Variants in KIF16B observed in about 807,000 individuals in gnomAD.
The protein encoded by KIF16B is kinesin family member 16B.
A neutral mutation model predicts 156.3 loss-of-function variants in KIF16B; 98 were observed. The observed-to-expected ratio is 0.63, with a 90% CI of 0.53 to 0.74. The LOEUF is 0.74. Ranked by LOEUF, KIF16B falls within the 30% of genes least tolerant of loss-of-function variation. KIF16B has a pLI of 0.00. For synonymous variants in KIF16B, 564 were observed against 583.7 expected (o/e 0.97, Z 0.49); for missense variants, 1,421 against 1,606.5 (o/e 0.88, Z 1.97).
chr20:16,293,331 T>A (rs2063339314), intron 25 of KIF16B, among the ~76,000 whole-genome samples: 1 of 152,138 alleles, frequency 6.6e-6, no homozygotes, highest in South Asian at 2.1e-4. Flanking sequence ...ATAGGTCACA[T>A]ACAAAAGATC....
chr20:16,390,043 G>T lies in KIF16B; in HGVS notation c.1785-8296C>A, dbSNP rs183568338. 3.3e-3 allele frequency among the ~76,000 whole-genome samples: 501 copies of T among 152,248 alleles called. 24 individuals carry two copies. In the East Asian group the frequency reaches 0.07, roughly 21 times the overall value. ...TTCGAGGGGTGTGTATCAAGATGGG[G>T]GTGGGATACAAGAAGTCTCACAATG... On this transcript the variant is annotated intron_variant, in intron 17 of 25. Transcript: ENST00000354981.
chr20:16,399,051 G>A (rs777664425), intron 17 of KIF16B, among the ~76,000 whole-genome samples: 12 of 152,188 alleles, frequency 7.9e-5, no homozygotes, highest in Non-Finnish European at 1.8e-4. Context: ...AGAAAGCTCT[G>A]AAACAAGTTT....
At chr20:16,490,596 A>G (rs1600529118) in intron 12 of KIF16B, among the ~76,000 whole-genome samples, 1 of 152,144 alleles carries the variant, frequency 6.6e-6, no homozygotes, top group Non-Finnish European at 1.5e-5. Flanking sequence ...GGATACACAC[A>G]GGGAGACCAA....
At chr20:16,433,763 CATG>C (rs1454428861) in intron 12 of KIF16B, among the ~76,000 whole-genome samples, 1 of 152,170 alleles carries the variant, frequency 6.6e-6, no homozygotes, top group Non-Finnish European at 1.5e-5. Context: ...CATTCAACTA[CATG>C]ATATTATAAA....
At chr20:16,343,423 A>T (rs1317880806) in intron 23 of KIF16B, among the ~76,000 whole-genome samples, 1 of 152,224 alleles carries the variant, frequency 6.6e-6, no homozygotes, top group Non-Finnish European at 1.5e-5. Flanking sequence ...TCAAGGAATC[A>T]TACTCCAACC....
At chr20:16,320,644 C>T (rs1438022739) in intron 24 of KIF16B, among the ~76,000 whole-genome samples, 2 of 152,172 alleles carry the variant, frequency 1.3e-5, no homozygotes, top group Admixed American at 6.5e-5. Context: ...GCCACAAATA[C>T]ACATTCTGAA....
At chr20:16,510,214 C>G (rs904106915) in intron 6 of KIF16B, among the ~76,000 whole-genome samples, 1 of 152,148 alleles carries the variant, frequency 6.6e-6, no homozygotes, top group Non-Finnish European at 1.5e-5. Flanking sequence ...TGTGATAAGA[C>G]ACTTGTCAGA....
At chr20:16,274,604 T>C (rs1033508834) in intron 25 of KIF16B, among the ~76,000 whole-genome samples, 1 of 152,220 alleles carries the variant, frequency 6.6e-6, no homozygotes. Context: ...CACATAATAA[T>C]TCTGGACTCT....
intron 17 of KIF16B, among the ~76,000 whole-genome samples, chr20:16,385,294 C>A (rs2065202618): frequency 6.6e-6 from 1 of 152,084 alleles, no homozygotes; most frequent in Admixed American, 6.5e-5. Context: ...AAGTGAAGCT[C>A]TCTCCTGACA....
At chr20:16,335,817 A>G in intron 24 of KIF16B, 109 bp downstream of exon 24, 1 of 642,158 alleles carries the variant, frequency 1.6e-6, no homozygotes, top group Non-Finnish European at 2.7e-6. Context: ...CTAATAAGCT[A>G]GTATCTGAAA....
chr20:16,408,360 T>C (rs968561794), intron 15 of KIF16B, among the ~76,000 whole-genome samples: 13 of 152,168 alleles, frequency 8.5e-5, no homozygotes, highest in African/African-American at 3.1e-4. Flanking sequence ...ATTGCATTTG[T>C]ATTTTTTCCA....
intron 19 of KIF16B, among the ~76,000 whole-genome samples, chr20:16,376,658 G>A (rs2064958652): frequency 6.6e-6 from 1 of 152,304 alleles, no homozygotes; most frequent in South Asian, 2.1e-4. Flanking sequence ...CTTGGCTTCT[G>A]AAGGAACACT....
intron 15 of KIF16B, among the ~76,000 whole-genome samples, chr20:16,412,607 T>A (rs1394283832): frequency 6.6e-6 from 1 of 152,008 alleles, no homozygotes; most frequent in East Asian, 1.9e-4. Flanking sequence ...AAGTGCCGCA[T>A]AAAAATGGGG....
intron 1 of KIF16B, among the ~76,000 whole-genome samples, chr20:16,534,258 T>TAAA (rs11482450): frequency 6.8e-6 from 1 of 147,614 alleles, no homozygotes. Context: ...CTGTCTCAAA[T>TAAA]AAAAAAAAAA....
chr20:16,541,478 T>C (rs893262429), intron 1 of KIF16B, among the ~76,000 whole-genome samples: 1 of 152,236 alleles, frequency 6.6e-6, no homozygotes, highest in Non-Finnish European at 1.5e-5. Flanking sequence ...AGGACAACGA[T>C]GCTATCACAG....
At chr20:16,288,304 G>A (rs1325674252) in intron 25 of KIF16B, among the ~76,000 whole-genome samples, 2 of 152,162 alleles carry the variant, frequency 1.3e-5, no homozygotes, top group African/African-American at 4.8e-5. Flanking sequence ...TTCTTTTTAG[G>A]ATTAGAAGAT....
chr20:16,369,723 TTC>T (rs937575828), intron 22 of KIF16B, among the ~76,000 whole-genome samples: 9 of 152,200 alleles, frequency 5.9e-5, no homozygotes, highest in Non-Finnish European at 1.3e-4. Flanking sequence ...CAGGTTACAT[TTC>T]TCTCTCCTTT....
chr20:16,560,021 T>C (rs889110060), intron 1 of KIF16B, among the ~76,000 whole-genome samples: 2 of 152,134 alleles, frequency 1.3e-5, no homozygotes, highest in Admixed American at 1.3e-4. Flanking sequence ...AAAAGGTACA[T>C]GGGAACTCTG....
chr20:16,273,460 C>A, intron 25 of KIF16B, 49 bp from the exon 26 acceptor site: 1 of 1,538,840 alleles, frequency 6.5e-7, no homozygotes, highest in Non-Finnish European at 9.0e-7. Flanking sequence ...GAGGTCAAGG[C>A]GGGTGGGATC....
Sources: gnomAD v4.1 joint callset for allele counts (sites outside exome capture counted in the v4.1 genomes callset) on GRCh38, gnomAD v4.1.1 for gene constraint, MANE v1.5 for transcripts, NCBI Gene and HGNC (gene_info 2026-07-23, HGNC 2026-07-21) for gene names.